Variants in GRID2 observed in about 807,000 individuals in gnomAD.
GRID2 encodes glutamate receptor ionotropic, delta-2.
A neutral mutation model predicts 114.8 loss-of-function variants in GRID2; 33 were observed. The observed-to-expected ratio is 0.29, with a 90% CI of 0.22 to 0.38. GRID2 has a LOEUF of 0.38. GRID2 is among the 10% of genes least tolerant of loss of function. The probability of loss-of-function intolerance (pLI) is 1.00; values close to 1 mark genes in which losing one functional copy is unlikely to be tolerated. For missense variants in GRID2, 1,184 were observed against 1,257.7 expected (o/e 0.94, Z 0.89); for synonymous variants, 505 against 449.9 (o/e 1.12, Z -1.55).
intron 2 of GRID2, among the ~76,000 whole-genome samples, chr4:92,676,473 C>A (rs1265804578): frequency 6.6e-6 from 1 of 152,128 alleles, no homozygotes; most frequent in African/African-American, 2.4e-5. Context: ...AGCCACCACG[C>A]CCGGCTGAGC....
At chr4:92,384,616 T>A (rs1213951062) in intron 1 of GRID2, among the ~76,000 whole-genome samples, 1 of 58,016 alleles carries the variant, frequency 1.7e-5, no homozygotes, top group Non-Finnish European at 3.3e-5. Context: ...ATAATATATG[T>A]TATATATTAT....
chr4:92,635,674 T>A (rs1424521685), intron 2 of GRID2, among the ~76,000 whole-genome samples: 1 of 152,072 alleles, frequency 6.6e-6, no homozygotes, highest in Non-Finnish European at 1.5e-5. Context: ...CAAAAATATA[T>A]ACAATTTTAA....
At chr4:92,309,816 A>G (rs1044678492) in intron 1 of GRID2, among the ~76,000 whole-genome samples, 5 of 151,938 alleles carry the variant, frequency 3.3e-5, no homozygotes, top group Admixed American at 1.3e-4. Flanking sequence ...TTCTCTATGA[A>G]TAAAATCTAA....
rs538414779 is a variant in GRID2, at chr4:93,713,936, A to AT, written c.2361-55265dup. Among the ~76,000 whole-genome samples, 959 of 150,902 alleles carry AT rather than the reference A, an allele frequency of 6.4e-3. 12 individuals are homozygous for AT. The highest frequency in any genetic ancestry group is 0.022 in the African/African-American group (892 of 41,142). On this transcript the variant is annotated intron_variant, in intron 14 of 15. Coordinates refer to ENST00000282020, the MANE Select transcript of GRID2 (RefSeq NM_001510.4). ...TTTTCTTATACTTTGCCATCTTTTC[A>AT]TTTTTTTTTATTGTAAGTTCAGGGG...
intron 2 of GRID2, among the ~76,000 whole-genome samples, chr4:92,904,022 T>A (rs1187874804): frequency 8.6e-5 from 13 of 151,928 alleles, no homozygotes; most frequent in Admixed American, 8.5e-4. Flanking sequence ...GTTTCTTTTC[T>A]TATTTCTAAG....
chr4:93,647,144 G>A (rs189398524), intron 14 of GRID2, among the ~76,000 whole-genome samples: 83 of 152,280 alleles, frequency 5.5e-4, no homozygotes, highest in Non-Finnish European at 9.9e-4. Flanking sequence ...GTTATTAAGG[G>A]ATGCTTAAAT....
intron 8 of GRID2, among the ~76,000 whole-genome samples, chr4:93,328,253 A>G (rs1758058482): frequency 6.9e-6 from 1 of 145,616 alleles, no homozygotes; most frequent in Non-Finnish European, 1.5e-5. Context: ...ATGAACTACA[A>G]ACTCTTTATG....
chr4:92,661,799 AAG>A (rs997444620), intron 2 of GRID2, among the ~76,000 whole-genome samples: 5 of 151,106 alleles, frequency 3.3e-5, no homozygotes, highest in African/African-American at 1.2e-4. Flanking sequence ...GTCAATTAAA[AAG>A]AGGGAAATAC....
At chr4:93,001,305 C>G (rs527786754) in intron 2 of GRID2, among the ~76,000 whole-genome samples, 1 of 151,490 alleles carries the variant, frequency 6.6e-6, no homozygotes, top group Non-Finnish European at 1.5e-5. Flanking sequence ...TCACAGTAAA[C>G]TTCATTTCAA....
chr4:93,189,823 T>A (rs1222051538), intron 4 of GRID2, among the ~76,000 whole-genome samples: 1 of 147,670 alleles, frequency 6.8e-6, no homozygotes, highest in Non-Finnish European at 1.5e-5. Context: ...ACAAATCTCA[T>A]CTTTAAAAAA....
chr4:92,495,660 A>G (rs915914080), intron 1 of GRID2, among the ~76,000 whole-genome samples: 2 of 151,952 alleles, frequency 1.3e-5, no homozygotes, highest in African/African-American at 4.8e-5. Flanking sequence ...TGTACCATTT[A>G]AAGGGGATAT....
chr4:93,645,448 G>A (rs760006124), intron 14 of GRID2, among the ~76,000 whole-genome samples: 3 of 152,090 alleles, frequency 2.0e-5, no homozygotes, highest in Non-Finnish European at 4.4e-5. Flanking sequence ...ATTGACTTGG[G>A]CAAACTCTCC....
intron 2 of GRID2, among the ~76,000 whole-genome samples, chr4:92,732,555 A>C (rs1736378492): frequency 6.6e-6 from 1 of 151,838 alleles, no homozygotes; most frequent in Non-Finnish European, 1.5e-5. Flanking sequence ...ACATGATTAG[A>C]CTCCACTTAT....
chr4:93,140,189 C>T (rs1462840458), intron 4 of GRID2, among the ~76,000 whole-genome samples: 48 of 136,520 alleles, frequency 3.5e-4, no homozygotes, highest in Non-Finnish European at 6.1e-5. Flanking sequence ...GACTGAGTCT[C>T]ACTCTGTCAC....
At chr4:92,447,055 A>G (rs1733508007) in intron 1 of GRID2, among the ~76,000 whole-genome samples, 1 of 152,140 alleles carries the variant, frequency 6.6e-6, no homozygotes, top group Admixed American at 6.5e-5. Context: ...ATGTATTTTT[A>G]TCCTCTTTAA....
intron 2 of GRID2, among the ~76,000 whole-genome samples, chr4:93,017,929 G>A (rs1578763089): frequency 7.3e-6 from 1 of 136,442 alleles, no homozygotes; most frequent in Non-Finnish European, 1.5e-5. Flanking sequence ...TGAACAGTTT[G>A]GTAGAACATC....
intron 14 of GRID2, among the ~76,000 whole-genome samples, chr4:93,670,527 T>C (rs1300208872): frequency 1.3e-5 from 2 of 152,168 alleles, no homozygotes; most frequent in Non-Finnish European, 1.5e-5. Context: ...ACATCAATGA[T>C]TTATCAAAAC....
intron 1 of GRID2, among the ~76,000 whole-genome samples, chr4:92,551,625 A>G (rs1444882486): frequency 6.6e-6 from 1 of 152,186 alleles, no homozygotes; most frequent in Admixed American, 6.6e-5. Flanking sequence ...TCAATGTACA[A>G]GCATTAGTGA....
chr4:92,927,224 A>G (rs903281637), intron 2 of GRID2, among the ~76,000 whole-genome samples: 1 of 151,858 alleles, frequency 6.6e-6, no homozygotes, highest in African/African-American at 2.4e-5. Flanking sequence ...GTTTTATTTC[A>G]TAAGAGAAAT....
Sources: gnomAD v4.1 joint callset for allele counts (sites outside exome capture counted in the v4.1 genomes callset) on GRCh38, gnomAD v4.1.1 for gene constraint, MANE v1.5 for transcripts, NCBI Gene and HGNC (gene_info 2026-07-23, HGNC 2026-07-21) for gene names.